The following PRELID2 variants were observed in gnomAD, a reference collection of about 807,000 sequenced individuals.
PRELID2 encodes PRELI domain-containing protein 2.
A neutral mutation model predicts 28.4 loss-of-function variants in PRELID2; 25 were observed. The ratio of observed to expected loss-of-function variants is 0.88; its 90% CI spans 0.64 to 1.23. The LOEUF (loss-of-function observed/expected upper bound fraction) is 1.23, where lower values mean the gene tolerates loss of function less well. Ranked by LOEUF, PRELID2 falls within the 50% of genes most tolerant of loss-of-function variation. The pLI, the probability that PRELID2 is intolerant of heterozygous loss-of-function variation, is 0.00. For missense variants in PRELID2, 201 were observed against 214.4 expected (o/e 0.94, Z 0.39); for synonymous variants, 76 against 71.6 (o/e 1.06, Z -0.31).
chr5:145,340,770 CATATATAT>C, the PRELID2 span, among the ~76,000 whole-genome samples: 4,264 of 116,532 alleles, frequency 0.037, 286 homozygotes, highest in African/African-American at 0.13. Context: ...TAAAAATATA[CATATATAT>C]ATATATATAT....
chr5:145,559,421 T>G (rs552591819), intron 1 of PRELID2, among the ~76,000 whole-genome samples: 6 of 152,208 alleles, frequency 3.9e-5, no homozygotes, highest in Non-Finnish European at 8.8e-5. Context: ...TCTGTTACAC[T>G]AAGCTTAAAA....
At chr5:145,722,616 A>T (rs1756022152) in intron 1 of PRELID2, among the ~76,000 whole-genome samples, 1 of 152,090 alleles carries the variant, frequency 6.6e-6, no homozygotes, top group Non-Finnish European at 1.5e-5. Context: ...CTCCTGCCTC[A>T]GCCTCCTGAG....
the PRELID2 span, among the ~76,000 whole-genome samples, chr5:145,440,463 C>T: frequency 6.6e-6 from 1 of 152,066 alleles, no homozygotes; most frequent in Non-Finnish European, 1.5e-5. Context: ...TTTTAGGAGC[C>T]ATACCAGTTG....
intron 1 of PRELID2, among the ~76,000 whole-genome samples, chr5:145,566,160 G>T (rs986523253): frequency 6.6e-6 from 1 of 152,326 alleles, no homozygotes; most frequent in African/African-American, 2.4e-5. Context: ...GGTGACAACT[G>T]CCAAATAGCC....
intron 1 of PRELID2, among the ~76,000 whole-genome samples, chr5:145,664,213 A>G (rs1754545560): frequency 6.6e-6 from 1 of 152,090 alleles, no homozygotes; most frequent in African/African-American, 2.4e-5. Context: ...TCTTCTCTGA[A>G]TTTTTTAAAA....
the PRELID2 span, among the ~76,000 whole-genome samples, chr5:145,385,702 T>C: frequency 2.0e-5 from 3 of 152,208 alleles, no homozygotes; most frequent in East Asian, 5.8e-4. Context: ...GCATTTTGTA[T>C]TTCCATTCAT....
At chr5:145,301,512 T>C in the PRELID2 span, among the ~76,000 whole-genome samples, 3 of 152,172 alleles carry the variant, frequency 2.0e-5, no homozygotes, top group Non-Finnish European at 4.4e-5. Context: ...TTTGTTTAAA[T>C]GAAATTTATC....
At chr5:145,587,829 G>A (rs1753175337) in intron 1 of PRELID2, among the ~76,000 whole-genome samples, 1 of 152,106 alleles carries the variant, frequency 6.6e-6, no homozygotes, top group South Asian at 2.1e-4. Context: ...CTACTCCCAG[G>A]CTGAAAACAA....
At chr5:145,439,907 C>T in the PRELID2 span, among the ~76,000 whole-genome samples, 1 of 152,062 alleles carries the variant, frequency 6.6e-6, no homozygotes. Flanking sequence ...CAACAAAAAA[C>T]TCCAAAATCT....
chr5:145,247,766 G>A, the PRELID2 span, among the ~76,000 whole-genome samples: 3 of 152,084 alleles, frequency 2.0e-5, no homozygotes, highest in African/African-American at 7.2e-5. Context: ...TAGAAGAAAG[G>A]CCAAGAAAAT....
chr5:145,260,734 A>G, the PRELID2 span, among the ~76,000 whole-genome samples: 1 of 152,224 alleles, frequency 6.6e-6, no homozygotes, highest in African/African-American at 2.4e-5. Context: ...GGATGGACAA[A>G]GCAGCATGTG....
chr5:145,262,000 A>C, the PRELID2 span, among the ~76,000 whole-genome samples: 1 of 152,150 alleles, frequency 6.6e-6, no homozygotes, highest in African/African-American at 2.4e-5. Context: ...TAGATAAGAA[A>C]ACAATCACTA....
the PRELID2 span, among the ~76,000 whole-genome samples, chr5:145,341,956 T>C: frequency 6.6e-6 from 1 of 152,218 alleles, no homozygotes; most frequent in Non-Finnish European, 1.5e-5. Context: ...CAGCACATTG[T>C]AGTCAGACTC....
chr5:145,804,704 T>A (rs1156378096), intron 4 of PRELID2, among the ~76,000 whole-genome samples: 1 of 152,114 alleles, frequency 6.6e-6, no homozygotes, highest in South Asian at 2.1e-4. Flanking sequence ...TTACTTATGG[T>A]CATATAAAAA....
chr5:145,297,425 T>G, the PRELID2 span, among the ~76,000 whole-genome samples: 1 of 151,888 alleles, frequency 6.6e-6, no homozygotes, highest in African/African-American at 2.4e-5. Flanking sequence ...CAACACTTCA[T>G]GCTAAAAACT....
the PRELID2 span, among the ~76,000 whole-genome samples, chr5:145,240,953 C>A: frequency 4.7e-3 from 708 of 152,060 alleles, 7 homozygotes; most frequent in East Asian, 0.031. Flanking sequence ...TATGCTGGCT[C>A]AGCTGTTCAC....
intron 5 of PRELID2, among the ~76,000 whole-genome samples, chr5:145,794,139 T>C (rs1752580820): frequency 6.6e-6 from 1 of 152,200 alleles, no homozygotes; most frequent in Non-Finnish European, 1.5e-5. Context: ...TGTCCCATTA[T>C]ATAGCCTGGG....
the PRELID2 span, among the ~76,000 whole-genome samples, chr5:145,318,688 C>T: frequency 1.4e-3 from 216 of 152,306 alleles, no homozygotes; most frequent in Admixed American, 1.8e-3. Flanking sequence ...TGGGCTCCAG[C>T]CCCATGGTAG....
chr5:145,574,113 G>A (rs1753038848), intron 1 of PRELID2, among the ~76,000 whole-genome samples: 1 of 152,116 alleles, frequency 6.6e-6, no homozygotes, highest in Non-Finnish European at 1.5e-5. Flanking sequence ...CTAAACAGTG[G>A]AACAGGGAGG....
Sources: allele counts gnomAD v4.1 joint callset (sites outside exome capture counted in the v4.1 genomes callset), GRCh38; gene constraint gnomAD v4.1.1; transcripts MANE v1.5; gene names NCBI Gene and HGNC (gene_info 2026-07-23, HGNC 2026-07-21).